ADK: variants seen among roughly 807,000 people sequenced by gnomAD.
ADK encodes N6,N6-dimethyladenosine kinase.
A neutral mutation model predicts 44.7 loss-of-function variants in ADK; 24 were observed. That is an observed-to-expected ratio of 0.54 (90% CI 0.39 to 0.76). The LOEUF is 0.76. ADK is among the 30% of genes least tolerant of loss of function. The probability of loss-of-function intolerance (pLI) is 0.00; values close to 1 mark genes in which losing one functional copy is unlikely to be tolerated. For missense variants in ADK, 321 were observed against 425.1 expected (o/e 0.76, Z 2.15); for synonymous variants, 128 against 142.6 (o/e 0.90, Z 0.73).
At chr10:74,526,081 A>G (rs1432615080) in intron 7 of ADK, among the ~76,000 whole-genome samples, 1 of 152,200 alleles carries the variant, frequency 6.6e-6, no homozygotes. Context: ...CAATCAGGAT[A>G]AAAAAGCACA....
chr10:74,515,048 CT>C (rs1473562890), intron 6 of ADK, among the ~76,000 whole-genome samples: 6 of 152,090 alleles, frequency 3.9e-5, no homozygotes, highest in African/African-American at 1.4e-4. Context: ...CTTTTTCTTG[CT>C]TTTTCACGGT....
At chr10:74,258,836 G>A (rs1485251268) in intron 3 of ADK, among the ~76,000 whole-genome samples, 1 of 150,672 alleles carries the variant, frequency 6.6e-6, no homozygotes, top group Non-Finnish European at 1.5e-5. Flanking sequence ...TCTTTAAATT[G>A]TTATTCATGT....
At chr10:74,265,668 C>T (rs1846188815) in intron 3 of ADK, among the ~76,000 whole-genome samples, 1 of 152,128 alleles carries the variant, frequency 6.6e-6, no homozygotes, top group East Asian at 1.9e-4. Flanking sequence ...GTGAATTGAG[C>T]CTCACTTAAA....
chr10:74,548,638 G>C (rs77149810), intron 7 of ADK, among the ~76,000 whole-genome samples: 1,535 of 152,266 alleles, frequency 0.01, 26 homozygotes, highest in African/African-American at 0.034. Flanking sequence ...AGGGAATAAA[G>C]AAGATGTTTT....
intron 4 of ADK, among the ~76,000 whole-genome samples, chr10:74,315,705 T>C (rs1333902095): frequency 6.6e-6 from 1 of 152,222 alleles, no homozygotes; most frequent in East Asian, 1.9e-4. Context: ...AATTGACAAA[T>C]AAAATCCAGA....
intron 6 of ADK, among the ~76,000 whole-genome samples, chr10:74,499,783 C>A (rs541295271): frequency 6.6e-6 from 1 of 152,114 alleles, no homozygotes; most frequent in African/African-American, 2.4e-5. Context: ...AAATTGGAAA[C>A]AAATTCAGAG....
intron 3 of ADK, among the ~76,000 whole-genome samples, chr10:74,283,837 C>T (rs543927344): frequency 6.6e-6 from 1 of 150,694 alleles, no homozygotes; most frequent in Non-Finnish European, 1.5e-5. Context: ...CCCGCCACCA[C>T]GCCTGGCTAA....
intron 4 of ADK, among the ~76,000 whole-genome samples, chr10:74,383,839 C>T (rs569729358): frequency 1.5e-3 from 230 of 152,264 alleles, no homozygotes; most frequent in Non-Finnish European, 2.7e-3. Context: ...ATATAGTAAA[C>T]ATCCTCTCAC....
At position 74,151,340 on chromosome 10, in the gene ADK, T is replaced by G; in HGVS notation, c.62T>G (p.Leu21Arg). Residue 21 changes from leucine to arginine, a missense_variant, in exon 1 of 11, where the codon CTG (leucine) becomes CGG (arginine). Physicochemically the swap from Leu to Arg is moderately radical, Grantham distance 102. Coordinates refer to ENST00000539909, the MANE Select transcript of ADK (RefSeq NM_006721.4). ...KKLKVEAPQA[L>R]RENILFGMGN... is the part of the protein sequence containing the mutation. ...CTGAAGGTGGAGGCGCCGCAAGCGC[T>G]GAGGTGAGCGCTGCCGGACTTGGGG... 6.5e-7 allele frequency: 1 copy of G among 1,549,476 alleles called. No homozygotes were observed. Among genetic ancestry groups the G allele is most frequent in the Admixed American group, 2.0e-5 (1 of 50,988 alleles).
chr10:74,567,843 C>T (rs1327490450), intron 7 of ADK, among the ~76,000 whole-genome samples: 5 of 151,856 alleles, frequency 3.3e-5, no homozygotes, highest in East Asian at 1.9e-4. Context: ...GGACTACAGG[C>T]GCCTGCCACC....
intron 1 of ADK, among the ~76,000 whole-genome samples, chr10:74,179,893 G>A (rs1400566139): frequency 5.3e-5 from 8 of 152,112 alleles, no homozygotes; most frequent in African/African-American, 1.9e-4. Context: ...CCCTCTTGGG[G>A]TCTAGATCGG....
rs561353698 is a variant in ADK, at chr10:74,376,155, A to G, written c.274-17986A>G. ...AAATTGTTTCTAAAGCAATTAACAA[A>G]TAATACATTTTAATACCTGGTAGTA... On this transcript the variant is annotated intron_variant, in intron 4 of 10. Coordinates refer to ENST00000539909, the MANE Select transcript of ADK (RefSeq NM_006721.4). Among the ~76,000 whole-genome samples, 3 of 152,206 alleles carry G rather than the reference A, an allele frequency of 2.0e-5. No individual in the cohort carries two copies. In the East Asian group the frequency reaches 5.8e-4, roughly 29 times the overall value.
chr10:74,292,004 T>G (rs1391302898), intron 3 of ADK, among the ~76,000 whole-genome samples: 14 of 152,170 alleles, frequency 9.2e-5, no homozygotes, highest in Non-Finnish European at 2.1e-4. Flanking sequence ...TTGTCAGGTC[T>G]CCCTGGGACA....
At chr10:74,525,170 G>C in intron 6 of ADK, 86 bp from the exon 7 acceptor site, 2 of 1,291,880 alleles carry the variant, frequency 1.5e-6, no homozygotes, top group Non-Finnish European at 2.2e-6. Flanking sequence ...ATATACTTTT[G>C]TATTTTGTAT....
At chr10:74,247,704 A>G (rs571086436) in intron 3 of ADK, among the ~76,000 whole-genome samples, 1 of 152,300 alleles carries the variant, frequency 6.6e-6, no homozygotes, top group East Asian at 1.9e-4. Flanking sequence ...TTTAAACTCA[A>G]AAAATGTCTA....
intron 4 of ADK, among the ~76,000 whole-genome samples, chr10:74,391,674 C>G (rs1316703331): frequency 6.6e-6 from 1 of 151,070 alleles, no homozygotes; most frequent in Non-Finnish European, 1.5e-5. Context: ...CACACACACA[C>G]ACACACACAC....
intron 9 of ADK, among the ~76,000 whole-genome samples, chr10:74,657,969 T>C (rs1342360763): frequency 6.6e-6 from 1 of 152,176 alleles, no homozygotes; most frequent in Admixed American, 6.5e-5. Context: ...GTAGACTTGA[T>C]ACATACACAA....
At chr10:74,391,166 A>G (rs1564694048) in intron 4 of ADK, among the ~76,000 whole-genome samples, 1 of 152,132 alleles carries the variant, frequency 6.6e-6, no homozygotes, top group African/African-American at 2.4e-5. Context: ...TTAAGACTGT[A>G]TTGTCATAAG....
chr10:74,546,773 TA>T (rs1278189390), intron 7 of ADK, among the ~76,000 whole-genome samples: 7 of 152,206 alleles, frequency 4.6e-5, no homozygotes, highest in Admixed American at 1.3e-4. Flanking sequence ...AGTAAAACAT[TA>T]AAAATAATTT....
Sources: gnomAD v4.1 joint callset for allele counts (sites outside exome capture counted in the v4.1 genomes callset) on GRCh38, gnomAD v4.1.1 for gene constraint, MANE v1.5 for transcripts, NCBI Gene and HGNC (gene_info 2026-07-23, HGNC 2026-07-21) for gene names.